The following LHFPL3 variants were observed in gnomAD, a reference collection of about 807,000 sequenced individuals.
LHFPL3 encodes the protein LHFPL tetraspan subfamily member 3.
LHFPL3 carries 5 observed loss-of-function variants against 19.3 expected under a neutral mutation model. The ratio of observed to expected loss-of-function variants is 0.26; its 90% CI spans 0.14 to 0.54. The LOEUF (loss-of-function observed/expected upper bound fraction) is 0.54. Ranked by LOEUF, LHFPL3 falls within the 20% of genes least tolerant of loss-of-function variation. LHFPL3 has a pLI of 0.94. For synonymous variants in LHFPL3, 133 were observed against 126.2 expected, an observed-to-expected ratio of 1.05 and a Z score of -0.36; for missense variants, 249 against 307.4, an observed-to-expected ratio of 0.81 and a Z score of 1.42.
At chr7:104,636,866 G>C (rs960995069) in intron 1 of LHFPL3, among the ~76,000 whole-genome samples, 2 of 152,122 alleles carry the variant, frequency 1.3e-5, no homozygotes, top group African/African-American at 4.8e-5. Context: ...GTGTCTTTAT[G>C]GTAGAACAAT....
At chr7:104,604,240 G>A (rs943329047) in intron 1 of LHFPL3, among the ~76,000 whole-genome samples, 14 of 152,164 alleles carry the variant, frequency 9.2e-5, no homozygotes, top group Non-Finnish European at 1.3e-4. Context: ...CATAAGCCTC[G>A]CCTGACCCTG....
chr7:104,704,263 A>G (rs1323837251), intron 1 of LHFPL3, among the ~76,000 whole-genome samples: 1 of 152,228 alleles, frequency 6.6e-6, no homozygotes, highest in African/African-American at 2.4e-5. Flanking sequence ...TTAATAACAC[A>G]GCACTGCCTT....
chr7:104,888,541 T>C (rs1335019779), intron 2 of LHFPL3, among the ~76,000 whole-genome samples: 1 of 152,054 alleles, frequency 6.6e-6, no homozygotes, highest in African/African-American at 2.4e-5. Context: ...AAGAGATATA[T>C]AATACAGATA....
intron 1 of LHFPL3, among the ~76,000 whole-genome samples, chr7:104,518,850 A>AGATAGATAAATAGAAAG: frequency 7.1e-6 from 1 of 140,084 alleles, no homozygotes; most frequent in African/African-American, 2.6e-5. Context: ...TAGATAGAAT[A>AGATAGATAAATAGAAAG]AATAAAAAAA....
chr7:104,834,710 T>C lies in LHFPL3; in HGVS notation c.683-71477T>C, dbSNP rs114339637. 7.2e-3 allele frequency among the ~76,000 whole-genome samples: 1,100 copies of C among 152,076 alleles called. 32 individuals are homozygous for C. Among genetic ancestry groups the C allele is most frequent in the African/African-American group, 0.025 (1,053 of 41,370 alleles). On this transcript the variant is annotated intron_variant, in intron 2 of 2. Coordinates refer to ENST00000424859, the MANE Select transcript of LHFPL3 (RefSeq NM_199000.3). ...TTGACTTGTCAATTAAACACATGTG[T>C]GCACAATCCATTCAGCATGGCCCAT...
At chr7:104,894,059 C>T (rs1229510348) in intron 2 of LHFPL3, among the ~76,000 whole-genome samples, 2 of 152,000 alleles carry the variant, frequency 1.3e-5, no homozygotes, top group African/African-American at 4.8e-5. Flanking sequence ...GAGTAATAGG[C>T]AAGACCATAT....
intron 1 of LHFPL3, among the ~76,000 whole-genome samples, chr7:104,331,841 T>C (rs1295988488): frequency 6.6e-6 from 1 of 151,858 alleles, no homozygotes; most frequent in Non-Finnish European, 1.5e-5. Context: ...TCCCAGCTAC[T>C]TGGGAGGCTG....
At chr7:104,563,509 C>T (rs573375320) in intron 1 of LHFPL3, among the ~76,000 whole-genome samples, 43 of 152,406 alleles carry the variant, frequency 2.8e-4, no homozygotes, top group African/African-American at 9.9e-4. Flanking sequence ...CTTGCGCTTC[C>T]CAAGGGAGGC....
chr7:104,371,991 C>G (rs919748620), intron 1 of LHFPL3, among the ~76,000 whole-genome samples: 1 of 152,272 alleles, frequency 6.6e-6, no homozygotes, highest in Admixed American at 6.5e-5. Context: ...TGCTAACGGC[C>G]AGTTAATTAG....
intron 2 of LHFPL3, among the ~76,000 whole-genome samples, chr7:104,846,127 C>T (rs1791308793): frequency 6.6e-6 from 1 of 152,210 alleles, no homozygotes; most frequent in Non-Finnish European, 1.5e-5. Context: ...CATACACACA[C>T]ATGGGCACAC....
intron 1 of LHFPL3, among the ~76,000 whole-genome samples, chr7:104,565,570 C>G (rs1173913069): frequency 6.6e-6 from 1 of 152,116 alleles, no homozygotes; most frequent in Non-Finnish European, 1.5e-5. Context: ...ATGTTTAATC[C>G]TAGGTAAATA....
chr7:104,712,958 C>T (rs1228846497), intron 1 of LHFPL3, among the ~76,000 whole-genome samples: 6 of 152,138 alleles, frequency 3.9e-5, no homozygotes. Flanking sequence ...AGAATACAAA[C>T]CATAGCTTGA....
intron 1 of LHFPL3, among the ~76,000 whole-genome samples, chr7:104,584,874 C>G (rs1382773707): frequency 6.6e-6 from 1 of 152,030 alleles, no homozygotes; most frequent in African/African-American, 2.4e-5. Flanking sequence ...CTCAACTAAC[C>G]CAAATTTACT....
At chr7:104,476,156 C>T (rs868267730) in intron 1 of LHFPL3, among the ~76,000 whole-genome samples, 1 of 152,148 alleles carries the variant, frequency 6.6e-6, no homozygotes, top group Admixed American at 6.5e-5. Flanking sequence ...CATACTCAAG[C>T]CTCTTTGTCA....
chr7:104,881,186 A>AAAAG (rs1792050252), intron 2 of LHFPL3, among the ~76,000 whole-genome samples: 1 of 151,222 alleles, frequency 6.6e-6, no homozygotes. Context: ...AAAAAAAAAA[A>AAAAG]AAAGAAATAC....
chr7:104,337,640 C>G (rs954261243), intron 1 of LHFPL3, among the ~76,000 whole-genome samples: 4 of 152,042 alleles, frequency 2.6e-5, no homozygotes, highest in Non-Finnish European at 5.9e-5. Flanking sequence ...TTTTGAAAAC[C>G]TAGTTATAAA....
At chr7:104,894,964 TC>T (rs899015950) in intron 2 of LHFPL3, 1 of 152,196 alleles carries the variant, frequency 6.6e-6, no homozygotes, top group African/African-American at 2.4e-5. Flanking sequence ...TCACCTGGGA[TC>T]TCAATACTGA....
intron 1 of LHFPL3, among the ~76,000 whole-genome samples, chr7:104,557,000 T>C (rs1375711084): frequency 6.6e-6 from 1 of 152,194 alleles, no homozygotes; most frequent in Non-Finnish European, 1.5e-5. Context: ...GAGTTTCTCA[T>C]CTCCATCTGA....
In LHFPL3 at chr7:104,489,132, G is replaced by C. The variant is rs1238020711; in HGVS notation, c.445+159908G>C. Among the ~76,000 whole-genome samples, 2 of 34,870 alleles carry C rather than the reference G, an allele frequency of 5.7e-5. 1 individual carries two copies. The highest frequency in any genetic ancestry group is 2.0e-4 in the Non-Finnish European group (2 of 9,970). 22.9% of individuals were successfully genotyped at this position (34,870 alleles called of 152,430 possible). Reference sequence around the variant, plus strand: ...GAGTCTCGCTCTGTCGCCCAGGCTGGAGTGCAGTGGCGGGATCTCGGCTCA... The same window carrying C: ...GAGTCTCGCTCTGTCGCCCAGGCTGCAGTGCAGTGGCGGGATCTCGGCTCA... On this transcript the variant is annotated intron_variant, in intron 1 of 2. Coordinates refer to ENST00000424859, the MANE Select transcript of LHFPL3 (RefSeq NM_199000.3).
Sources: allele counts gnomAD v4.1 joint callset (sites outside exome capture counted in the v4.1 genomes callset), GRCh38; gene constraint gnomAD v4.1.1; transcripts MANE v1.5; gene names NCBI Gene and HGNC (gene_info 2026-07-23, HGNC 2026-07-21).